The following ARK2C variants were observed in gnomAD, a reference collection of about 807,000 sequenced individuals.
ARK2C encodes the protein E3 ubiquitin-protein ligase ARK2C.
the ARK2C span, chr18:46,337,551 G>A: frequency 3.0e-6 from 3 of 985,238 alleles, no homozygotes; most frequent in Non-Finnish European, 1.2e-6. Flanking sequence ...GGTGGGCCCA[G>A]CCTTTTTTTT....
At chr18:46,385,368 G>A in the ARK2C span, among the ~76,000 whole-genome samples, 14 of 152,170 alleles carry the variant, frequency 9.2e-5, no homozygotes, top group African/African-American at 2.7e-4. Context: ...GGAAGGACTT[G>A]CATGTGCCTG....
chr18:46,355,887 C>A, the ARK2C span, among the ~76,000 whole-genome samples: 1 of 152,180 alleles, frequency 6.6e-6, no homozygotes, highest in Non-Finnish European at 1.5e-5. Flanking sequence ...ATGTGACTGC[C>A]GTGGATGATG....
At chr18:46,449,253 G>T in the ARK2C span, among the ~76,000 whole-genome samples, 3 of 152,232 alleles carry the variant, frequency 2.0e-5, no homozygotes, top group African/African-American at 7.2e-5. Context: ...TAGCCAGGGT[G>T]AGGGAAAGGC....
At chr18:46,440,203 G>A in the ARK2C span, among the ~76,000 whole-genome samples, 1 of 152,034 alleles carries the variant, frequency 6.6e-6, no homozygotes, top group Non-Finnish European at 1.5e-5. Flanking sequence ...ATTACCTGTG[G>A]TTTCGCTTTC....
chr18:46,383,694 A>G, the ARK2C span, among the ~76,000 whole-genome samples: 49,379 of 151,782 alleles, frequency 0.33, 8,393 homozygotes, highest in Non-Finnish European at 0.36. Flanking sequence ...AGCTGGGACT[A>G]CAGGCAGCCA....
chr18:46,409,374 T>A, the ARK2C span, among the ~76,000 whole-genome samples: 2,545 of 152,290 alleles, frequency 0.017, 39 homozygotes, highest in East Asian at 0.094. Flanking sequence ...GCTCAAGGGA[T>A]CCTTTGAGGT....
At chr18:46,354,975 A>AG in the ARK2C span, among the ~76,000 whole-genome samples, 3 of 152,068 alleles carry the variant, frequency 2.0e-5, no homozygotes, top group East Asian at 5.8e-4. Flanking sequence ...TTTGAGACTG[A>AG]GTCTCACTCT....
chr18:46,425,282 G>A, the ARK2C span, among the ~76,000 whole-genome samples: 2 of 152,212 alleles, frequency 1.3e-5, no homozygotes, highest in Non-Finnish European at 2.9e-5. Context: ...CCACATCCCT[G>A]GAGCAGGCAG....
At chr18:46,409,869 G>T in the ARK2C span, among the ~76,000 whole-genome samples, 1 of 152,112 alleles carries the variant, frequency 6.6e-6, no homozygotes, top group African/African-American at 2.4e-5. Context: ...ACATTTCGTT[G>T]TTTCCAGTCT....
chr18:46,417,770 G>A, the ARK2C span, among the ~76,000 whole-genome samples: 2 of 152,178 alleles, frequency 1.3e-5, no homozygotes, highest in Admixed American at 6.5e-5. Context: ...TTGAGAGGCC[G>A]AGGCAGGTGG....
chr18:46,454,110 CAAAAAAAAA>C, the ARK2C span, among the ~76,000 whole-genome samples: 13 of 16,632 alleles, frequency 7.8e-4, no homozygotes, highest in South Asian at 0.028. Flanking sequence ...AAGGCCGTCT[CAAAAAAAAA>C]AAAAAAAAAA....
chr18:46,436,522 C>T, the ARK2C span, among the ~76,000 whole-genome samples: 3 of 152,078 alleles, frequency 2.0e-5, no homozygotes, highest in East Asian at 1.9e-4. Context: ...ATTGATGTGC[C>T]GTTGTGTCAT....
At chr18:46,398,888 G>C in the ARK2C span, among the ~76,000 whole-genome samples, 2 of 151,802 alleles carry the variant, frequency 1.3e-5, no homozygotes, top group African/African-American at 4.9e-5. Flanking sequence ...ACAACATCTA[G>C]TCATCGTCTA....
At chr18:46,346,543 C>T in the ARK2C span, among the ~76,000 whole-genome samples, 2 of 152,162 alleles carry the variant, frequency 1.3e-5, no homozygotes, top group Non-Finnish European at 2.9e-5. Flanking sequence ...ACAGATTTTG[C>T]CATCAGGCAG....
the ARK2C span, among the ~76,000 whole-genome samples, chr18:46,347,458 G>A: frequency 2.0e-5 from 3 of 152,164 alleles, no homozygotes; most frequent in African/African-American, 4.8e-5. Flanking sequence ...CCTGGAAAGA[G>A]AGTCACGTGG....
At chr18:46,460,549 A>G in the ARK2C span, 1 of 152,524 alleles carries the variant, frequency 6.6e-6, no homozygotes. Context: ...TTATTTATTT[A>G]GAAAGGATAC....
the ARK2C span, among the ~76,000 whole-genome samples, chr18:46,342,257 C>T: frequency 4.6e-5 from 7 of 152,254 alleles, no homozygotes; most frequent in South Asian, 1.5e-3. Flanking sequence ...GACTATGGCC[C>T]CCTGCACTGC....
At chr18:46,380,851 G>A in the ARK2C span, among the ~76,000 whole-genome samples, 12 of 152,202 alleles carry the variant, frequency 7.9e-5, no homozygotes, top group African/African-American at 2.9e-4. Flanking sequence ...CATCACACTC[G>A]CCCCAGCCTT....
the ARK2C span, among the ~76,000 whole-genome samples, chr18:46,404,391 A>T: frequency 6.6e-6 from 1 of 152,176 alleles, no homozygotes; most frequent in South Asian, 2.1e-4. Flanking sequence ...GCAGGTATTA[A>T]GCACCTTTTT....
Sources: gnomAD v4.1 joint callset for allele counts (sites outside exome capture counted in the v4.1 genomes callset) on GRCh38, gnomAD v4.1.1 for gene constraint, MANE v1.5 for transcripts, NCBI Gene and HGNC (gene_info 2026-07-23, HGNC 2026-07-21) for gene names.